Variants in SLC9A9 observed in about 807,000 individuals in gnomAD.
SLC9A9 encodes solute carrier family 9 member A9.
Under a neutral mutation model 77.8 loss-of-function variants are expected in SLC9A9, and 62 were observed. The observed-to-expected ratio is 0.80, with a 90% CI of 0.65 to 0.98. SLC9A9 has a LOEUF of 0.98. Ranked by LOEUF, SLC9A9 falls within the 50% of genes least tolerant of loss-of-function variation. The pLI, the probability that SLC9A9 is intolerant of heterozygous loss-of-function variation, is 0.00. For missense variants in SLC9A9, 775 were observed against 774.9 expected, an observed-to-expected ratio of 1.00 and a Z score of 0.00; for synonymous variants, 320 against 283.5, an observed-to-expected ratio of 1.13 and a Z score of -1.29.
At chr3:143,805,593 CCTTAACT>C (rs1451940681) in intron 2 of SLC9A9, among the ~76,000 whole-genome samples, 19 of 152,192 alleles carry the variant, frequency 1.2e-4, no homozygotes, top group Admixed American at 9.8e-4. Flanking sequence ...CTGGTTCCTG[CCTTAACT>C]GATGACATAC....
chr3:143,561,787 T>G (rs1052891157), intron 8 of SLC9A9, among the ~76,000 whole-genome samples: 1 of 152,178 alleles, frequency 6.6e-6, no homozygotes, highest in Admixed American at 6.5e-5. Flanking sequence ...TATTAGGAGA[T>G]GAAAGGAAGA....
chr3:143,298,752 G>A (rs1227990951), intron 14 of SLC9A9, among the ~76,000 whole-genome samples: 2 of 152,152 alleles, frequency 1.3e-5, no homozygotes, highest in Non-Finnish European at 2.9e-5. Flanking sequence ...TATTGAGTTA[G>A]GCATCCCTGG....
chr3:143,308,201 C>A (rs899928551), intron 14 of SLC9A9, among the ~76,000 whole-genome samples: 1 of 152,048 alleles, frequency 6.6e-6, no homozygotes, highest in Non-Finnish European at 1.5e-5. Context: ...TCTATTGACA[C>A]GTATATAAAA....
intron 2 of SLC9A9, among the ~76,000 whole-genome samples, chr3:143,797,215 T>A (rs1015391619): frequency 1.8e-4 from 27 of 151,326 alleles, no homozygotes; most frequent in African/African-American, 6.5e-4. Flanking sequence ...ATAGGCTTCT[T>A]ACAAGGATTT....
intron 9 of SLC9A9, among the ~76,000 whole-genome samples, chr3:143,523,856 G>T (rs1253721572): frequency 6.6e-6 from 1 of 152,020 alleles, no homozygotes; most frequent in East Asian, 1.9e-4. Flanking sequence ...AAATACTGAT[G>T]GTAAATATAT....
chr3:143,393,308 A>G (rs915923761), intron 12 of SLC9A9, among the ~76,000 whole-genome samples: 61 of 152,232 alleles, frequency 4.0e-4, no homozygotes, highest in African/African-American at 1.4e-3. Flanking sequence ...ACTCAAAACC[A>G]CTCAACTACA....
chr3:143,728,787 T>C (rs780538958), intron 4 of SLC9A9, among the ~76,000 whole-genome samples: 1 of 151,974 alleles, frequency 6.6e-6, no homozygotes, highest in Non-Finnish European at 1.5e-5. Flanking sequence ...GAGTCCTGAC[T>C]CATTGAATTA....
intron 13 of SLC9A9, among the ~76,000 whole-genome samples, chr3:143,367,160 C>G (rs1045998813): frequency 6.6e-6 from 1 of 152,168 alleles, no homozygotes; most frequent in African/African-American, 2.4e-5. Context: ...CTTGGCAAAC[C>G]TTCCAGGGAT....
intron 4 of SLC9A9, among the ~76,000 whole-genome samples, chr3:143,736,538 ACTCAATAGAGGG>A (rs2108813725): frequency 6.6e-6 from 1 of 152,272 alleles, no homozygotes; most frequent in African/African-American, 2.4e-5. Context: ...CAGAGCACAC[ACTCAATAGAGGG>A]CTCTGTGGAA....
intron 4 of SLC9A9, among the ~76,000 whole-genome samples, chr3:143,771,909 G>A (rs566266926): frequency 3.3e-5 from 5 of 152,084 alleles, no homozygotes; most frequent in Non-Finnish European, 5.9e-5. Flanking sequence ...CCCTTTCCAG[G>A]TCTCCTCCAG....
chr3:143,601,054 G>T lies in SLC9A9; in HGVS notation c.756-22331C>A, dbSNP rs185912719. On this transcript the variant is annotated intron_variant, in intron 6 of 15. Coordinates refer to ENST00000316549, the MANE Select transcript of SLC9A9 (RefSeq NM_173653.4). ...TCATTTCTCTTAGACATGGGAAGTT[G>T]AGGGGAGAAACAGTCTCAATAATGA... is the stretch of plus-strand genomic sequence containing the variant. Among the ~76,000 whole-genome samples the T allele has an allele frequency of 3.6e-4, 55 of 152,322 alleles. 1 individual carries two copies. Among genetic ancestry groups the T allele is most frequent in the Admixed American group, 3.0e-3 (46 of 15,298 alleles).
intron 14 of SLC9A9, among the ~76,000 whole-genome samples, chr3:143,275,218 G>A (rs1419732215): frequency 6.6e-6 from 1 of 152,204 alleles, no homozygotes; most frequent in Non-Finnish European, 1.5e-5. Flanking sequence ...GACATGCAAA[G>A]TTGTTCCTGA....
intron 5 of SLC9A9, among the ~76,000 whole-genome samples, chr3:143,675,089 C>G (rs563350580): frequency 6.6e-6 from 1 of 152,172 alleles, no homozygotes. Flanking sequence ...CGTTCACTCA[C>G]ATTGGAGAAC....
intron 5 of SLC9A9, among the ~76,000 whole-genome samples, chr3:143,688,287 G>A (rs2360865): frequency 0.29 from 44,511 of 151,450 alleles, 7,362 homozygotes; most frequent in South Asian, 0.46. Context: ...GTTTTCCTGT[G>A]TTATCTAAAC....
intron 4 of SLC9A9, among the ~76,000 whole-genome samples, chr3:143,700,776 C>T (rs1933774744): frequency 6.6e-6 from 1 of 152,360 alleles, no homozygotes; most frequent in East Asian, 1.9e-4. Context: ...GACTGGCTGG[C>T]TTTTCCACCT....
At chr3:143,431,263 G>A (rs546325715) in intron 12 of SLC9A9, among the ~76,000 whole-genome samples, 2 of 152,244 alleles carry the variant, frequency 1.3e-5, no homozygotes, top group East Asian at 1.9e-4. Context: ...GTTGCACACA[G>A]TGCTTTGAGC....
chr3:143,366,116 G>A (rs1205822897), intron 13 of SLC9A9, among the ~76,000 whole-genome samples: 1 of 152,180 alleles, frequency 6.6e-6, no homozygotes, highest in Admixed American at 6.5e-5. Context: ...GTGTTGTGGT[G>A]AGCTATACTG....
chr3:143,762,104 C>T (rs755707056), intron 4 of SLC9A9, among the ~76,000 whole-genome samples: 13 of 152,118 alleles, frequency 8.5e-5, no homozygotes, highest in Non-Finnish European at 1.6e-4. Context: ...AAAAACCAAA[C>T]ACCGCATGTT....
chr3:143,701,397 G>T (rs1462061462), intron 4 of SLC9A9, among the ~76,000 whole-genome samples: 2 of 152,052 alleles, frequency 1.3e-5, no homozygotes, highest in Non-Finnish European at 2.9e-5. Flanking sequence ...GAAACTCAAA[G>T]AAATTCAAGA....
Sources: allele counts gnomAD v4.1 joint callset (sites outside exome capture counted in the v4.1 genomes callset), GRCh38; gene constraint gnomAD v4.1.1; transcripts MANE v1.5; gene names NCBI Gene and HGNC (gene_info 2026-07-23, HGNC 2026-07-21).